Variants in ACOT11 observed in about 807,000 individuals in gnomAD.
The protein encoded by ACOT11 is acyl-CoA thioesterase 11.
ACOT11 carries 69 observed loss-of-function variants against 77.5 expected under a neutral mutation model. That is an observed-to-expected ratio of 0.89 (90% CI 0.73 to 1.09). The LOEUF is 1.09. ACOT11 is among the 50% of genes least tolerant of loss of function. The pLI is 0.00. For synonymous variants in ACOT11, 279 were observed against 313.0 expected (o/e 0.89, Z 1.15); for missense variants, 766 against 813.7 (o/e 0.94, Z 0.71).
chr1:54,624,254 G>A (rs2101029361), intron 15 of ACOT11, among the ~76,000 whole-genome samples: 1 of 152,316 alleles, frequency 6.6e-6, no homozygotes, highest in Admixed American at 6.5e-5. Flanking sequence ...GATCTGGAAT[G>A]TGAGGCTGTG....
At chr1:54,555,709 GT>G (rs1462114739) in intron 1 of ACOT11, among the ~76,000 whole-genome samples, 1 of 151,914 alleles carries the variant, frequency 6.6e-6, no homozygotes, top group African/African-American at 2.4e-5. Flanking sequence ...TAGTTTGGGG[GT>G]CGTACATTTA....
downstream of ACOT11, chr1:54,611,767 C>T (rs772903109): frequency 6.2e-7 from 1 of 1,613,464 alleles, no homozygotes; most frequent in Admixed American, 1.7e-5. Context: ...AGAGCTGGCT[C>T]AGTGCCTGTC....
chr1:54,604,816 C>T (rs1644006055), intron 12 of ACOT11, among the ~76,000 whole-genome samples: 1 of 152,232 alleles, frequency 6.6e-6, no homozygotes, highest in Non-Finnish European at 1.5e-5. Flanking sequence ...CTGCCTGTGC[C>T]ACTGGGGCTT....
In ACOT11 at chr1:54,582,937, G is replaced by T. The variant is rs57697925; in HGVS notation, c.34-1718G>T. ...ATTTCTTCCCAATACCCCTGGCTAT[G>T]GGAGGGGTTTGGGAAGAGTGTGGAC... On this transcript the variant is annotated intron_variant, in intron 1 of 15. Transcript: ENST00000343744. 4.6e-3 allele frequency among the ~76,000 whole-genome samples: 702 copies of T among 152,208 alleles called. 21 individuals carry two copies. Among genetic ancestry groups the T allele is most frequent in the Admixed American group, 0.033 (498 of 15,298 alleles).
chr1:54,559,088 G>A (rs917843414), intron 1 of ACOT11, among the ~76,000 whole-genome samples: 5 of 152,208 alleles, frequency 3.3e-5, no homozygotes, highest in Admixed American at 1.3e-4. Flanking sequence ...GAGGTGACAT[G>A]CCTGGGTTTG....
At chr1:54,621,410 T>C (rs1644228688) in intron 15 of ACOT11, 1 of 152,182 alleles carries the variant, frequency 6.6e-6, no homozygotes, top group African/African-American at 2.4e-5. Context: ...TGAACCCAGA[T>C]CATGCTACTG....
At chr1:54,616,839 T>C (rs1644178378) in intron 15 of ACOT11, among the ~76,000 whole-genome samples, 1 of 152,180 alleles carries the variant, frequency 6.6e-6, no homozygotes, top group South Asian at 2.1e-4. Flanking sequence ...TTCACTACTA[T>C]GTAGTTGATC....
intron 1 of ACOT11, among the ~76,000 whole-genome samples, chr1:54,550,926 G>A (rs1653041844): frequency 6.6e-6 from 1 of 151,664 alleles, no homozygotes; most frequent in Non-Finnish European, 1.5e-5. Context: ...GATCACTTGA[G>A]GCCAGGAGTT....
In ACOT11 at chr1:54,607,867, CTTGGTT is replaced by C; in HGVS notation, c.1503-74_1503-69del. ...GTGCTAGAGGGGGCAGGGTCTCGGCCTTGGTTGGGCAGAACAGGCCCCCACTTTCTT... is the reference window on the plus strand; with the variant it reads ...GTGCTAGAGGGGGCAGGGTCTCGGCCGGGCAGAACAGGCCCCCACTTTCTT... On this transcript the variant is annotated intron_variant, in intron 14 of 15. Coordinates refer to ENST00000343744, the MANE Select transcript of ACOT11 (RefSeq NM_147161.4). The surrounding 1 kb of genome is among the most constrained non-coding windows in gnomAD (Gnocchi z 4.5). 6.3e-7 allele frequency: 1 copy of C among 1,586,744 alleles called. No homozygotes were observed. The highest frequency in any genetic ancestry group is 8.6e-7 in the Non-Finnish European group (1 of 1,162,546).
chr1:54,592,726 A>C, intron 4 of ACOT11, 120 bp downstream of exon 4: 1 of 995,844 alleles, frequency 1.0e-6, no homozygotes, highest in Non-Finnish European at 1.5e-6. Context: ...TTAGAGCAGC[A>C]GAGTTCTGTA....
intron 6 of ACOT11, among the ~76,000 whole-genome samples, chr1:54,595,330 G>A (rs1027862428): frequency 4.6e-5 from 7 of 152,106 alleles, no homozygotes; most frequent in Non-Finnish European, 1.0e-4. Context: ...TAGGCAAAAA[G>A]AGTGAAACTC....
chr1:54,592,709 G>T (rs1654754724), intron 4 of ACOT11, 103 bp downstream of exon 4: 3 of 1,207,962 alleles, frequency 2.5e-6, no homozygotes, highest in South Asian at 1.4e-5. Flanking sequence ...CACTTGCAGG[G>T]CCCTGATTAG....
intron 1 of ACOT11, among the ~76,000 whole-genome samples, chr1:54,562,736 G>A (rs373691503): frequency 0.03 from 2,211 of 73,018 alleles, 26 homozygotes; most frequent in East Asian, 0.064. Flanking sequence ...ACGGGGTCTC[G>A]GCCGGGCAGA....
chr1:54,617,709 ATTTTTTTTTTTTTTTTTTT>A (rs56229276), intron 15 of ACOT11, among the ~76,000 whole-genome samples: 26 of 55,774 alleles, frequency 4.7e-4, no homozygotes, highest in Admixed American at 9.6e-4. Context: ...AGGGCCTGAG[ATTTTTTTTTTTTTTTTTTT>A]TTTTTTTTTT....
rs1414486160 is a variant in ACOT11 at position 54,621,724 on chromosome 1, G to A, written c.1630-9010G>A. 7.9e-5 allele frequency: 12 copies of A among 152,842 alleles called. No individual in the cohort carries two copies. In the Admixed American group the frequency reaches 7.9e-4, roughly 10 times the overall value. The allele number at this position is 152,842 out of a possible 1,614,324, so 9.5% of individuals were successfully genotyped here. A position where few individuals can be genotyped will look rare whatever the true frequency, so the allele number is the denominator to read the frequency against. ...AGGGCTGGAGGGCAGAGGGCAGAAA[G>A]GCAGAGCCCTTGAGGCTCAGGACTG... is the stretch of plus-strand genomic sequence containing the variant. On this transcript the variant is annotated intron_variant, in intron 15 of 16. Coordinates refer to the ACOT11 transcript ENST00000371316.
Position 54,615,875 on chromosome 1 carries a change from G to A in ACOT11, c.1629+7807G>A, listed in dbSNP as rs564029332. On this transcript the variant is annotated intron_variant, in intron 15 of 16. Transcript: ENST00000371316. The stretch of plus-strand genomic sequence containing the variant: ...CTCGCCTAGTCCTCACTGAGCCTGG[G>A]CATCTATAACATTGTGATGAGAAAG... 5.0e-5 allele frequency: 40 copies of A among 804,776 alleles called. No individual in the cohort carries two copies. In the African/African-American group the frequency reaches 5.1e-4, roughly 10 times the overall value. 49.9% of individuals were successfully genotyped at this position (804,776 alleles called of 1,614,324 possible).
intron 10 of ACOT11, 132 bp from the exon 11 acceptor site, chr1:54,603,739 C>G: frequency 1.2e-6 from 1 of 826,402 alleles, no homozygotes; most frequent in Non-Finnish European, 2.0e-6. Flanking sequence ...CATCCAGCCT[C>G]CCTACCCAGA....
Position 54,607,274 on chromosome 1 carries a change from C to T in ACOT11, c.1502+9C>T. Reference sequence around the variant, plus strand: ...AAGCCTTGTGACAATGGGTGTGTGCCTATCTGCTGTGGGGTGGGGGACACA... The same window carrying T: ...AAGCCTTGTGACAATGGGTGTGTGCTTATCTGCTGTGGGGTGGGGGACACA... On this transcript the variant is annotated intron_variant, in intron 14 of 15. Transcript: ENST00000343744. The surrounding 1 kb of genome is among the most constrained non-coding windows in gnomAD (Gnocchi z 4.5). 1.9e-6 allele frequency: 3 copies of T among 1,614,010 alleles called. No homozygotes were observed. Among genetic ancestry groups the T allele is most frequent in the Non-Finnish European group, 2.5e-6 (3 of 1,179,962 alleles).
Position 54,609,677 on chromosome 1 carries a change from C to A in ACOT11, c.*565C>A, listed in dbSNP as rs1401311067. 3 of 1,613,882 alleles carry A rather than the reference C, an allele frequency of 1.9e-6. No individual in the cohort carries two copies. The African/African-American group carries it at 4.0e-5, about 22-fold the overall frequency. ...CACATGGCCGGGGACCGAAAAACTC[C>A]CGTGGGAGATTTTGGCCCCAACCCA... On this transcript the variant is annotated 3_prime_UTR_variant, in exon 16 of 16. Transcript: ENST00000343744.
Sources: allele counts gnomAD v4.1 joint callset (sites outside exome capture counted in the v4.1 genomes callset), GRCh38; gene constraint gnomAD v4.1.1; non-coding constraint Gnocchi (gnomAD v3.1); transcripts MANE v1.5; gene names NCBI Gene and HGNC (gene_info 2026-07-23, HGNC 2026-07-21).